Variants in TAB1 observed in about 807,000 individuals in gnomAD.
TAB1 encodes the protein TGF-beta activated kinase 1 (MAP3K7) binding protein 1, also known as TGF-beta-activated kinase 1 and MAP3K7-binding protein 1.
A neutral mutation model predicts 54.5 loss-of-function variants in TAB1; 30 were observed. The ratio of observed to expected loss-of-function variants is 0.55; its 90% CI spans 0.41 to 0.75. The LOEUF is 0.75. TAB1 is among the 30% of genes least tolerant of loss of function. The pLI is 0.00. For missense variants in TAB1, 609 were observed against 683.2 expected, an observed-to-expected ratio of 0.89 and a Z score of 1.21; for synonymous variants, 289 against 286.9, an observed-to-expected ratio of 1.01 and a Z score of -0.07.
chr22:39,415,699 C>T lies in TAB1; in HGVS notation c.324+46C>T, dbSNP rs34413438. ...AGTGACCCAGCCACATCATGTCCCC[C>T]ACCCCAAGGCTTGGGCCCTGCACCT... On this transcript the variant is annotated intron_variant, in intron 3 of 10. Coordinates refer to ENST00000216160, the MANE Select transcript of TAB1 (RefSeq NM_006116.3). This position sits in a 1 kb window ranked among gnomAD's most constrained non-coding sequence, Gnocchi z 4.9. 4.9e-5 allele frequency: 78 copies of T among 1,585,040 alleles called. No individual in the cohort carries two copies. Among genetic ancestry groups the T allele is most frequent in the Non-Finnish European group, 4.5e-5 (52 of 1,168,360 alleles).
At chr22:39,432,663 G>T, downstream of TAB1, 5 of 763,078 alleles carry the variant, frequency 6.6e-6, no homozygotes, top group Non-Finnish European at 8.0e-6. Flanking sequence ...AGAGAGACAT[G>T]GTGAGTAACT....
intron 10 of TAB1, chr22:39,429,475 C>A: frequency 1.6e-6 from 1 of 639,900 alleles, no homozygotes; most frequent in Non-Finnish European, 1.9e-6. Flanking sequence ...CTGAGTGTTC[C>A]ATTTTCTTTC....
intron 1 of TAB1, among the ~76,000 whole-genome samples, chr22:39,406,894 A>C (rs1206031448): frequency 1.3e-5 from 2 of 152,048 alleles, no homozygotes; most frequent in African/African-American, 2.4e-5. Context: ...TGGCCTCCCA[A>C]AGTGCTGGGA....
chr22:39,427,675 A>G (rs1461625228), intron 9 of TAB1, among the ~76,000 whole-genome samples: 2 of 152,220 alleles, frequency 1.3e-5, no homozygotes, highest in Admixed American at 1.3e-4. Flanking sequence ...TATTGCAACC[A>G]TATTTTTATT....
intron 1 of TAB1, among the ~76,000 whole-genome samples, chr22:39,413,363 C>G (rs6001583): frequency 3.7e-4 from 56 of 152,158 alleles, no homozygotes; most frequent in African/African-American, 1.3e-3. Context: ...ATTTCTTTCT[C>G]TTATCTGGTT....
At chr22:39,401,128 A>G (rs1365220740) in intron 1 of TAB1, among the ~76,000 whole-genome samples, 3 of 151,752 alleles carry the variant, frequency 2.0e-5, no homozygotes, top group African/African-American at 7.3e-5. Flanking sequence ...ATCTATCACC[A>G]TGTGCTGGGC....
intron 9 of TAB1, among the ~76,000 whole-genome samples, chr22:39,427,403 G>A (rs1927396862): frequency 6.6e-6 from 1 of 152,216 alleles, no homozygotes; most frequent in Admixed American, 6.5e-5. Flanking sequence ...GTCTGTCCCT[G>A]GGCTGCACTG....
In TAB1 at chr22:39,416,779, G is replaced by T. The variant is rs760940405; in HGVS notation, c.325-12G>T. On this transcript the variant is annotated splice_polypyrimidine_tract_variant and intron_variant, in intron 3 of 10. Transcript: ENST00000216160. ...TTTGAACCAGCCTTTGCCCTGTCCTGTGTCCCCCTAGGCCTTCGATGTGGT... is the reference window on the plus strand; with the variant it reads ...TTTGAACCAGCCTTTGCCCTGTCCTTTGTCCCCCTAGGCCTTCGATGTGGT... 21 of 1,613,906 alleles carry T rather than the reference G, an allele frequency of 1.3e-5. No homozygotes were observed. The highest frequency in any genetic ancestry group is 4.0e-5 in the African/African-American group (3 of 74,938).
In TAB1 at chr22:39,430,452, C is replaced by T; in HGVS notation, c.*230C>T. 1 of 1,416,314 alleles carries T rather than the reference C, an allele frequency of 7.1e-7. No individual in the cohort carries two copies. The highest frequency in any genetic ancestry group is 1.5e-5 in the South Asian group (1 of 67,374). 87.7% of individuals were successfully genotyped at this position (1,416,314 alleles called of 1,614,324 possible). A position where few individuals can be genotyped will look rare whatever the true frequency, so the allele number is the denominator to read the frequency against. The stretch of plus-strand genomic sequence containing the variant: ...TGAAGGCCACTTCCTCCCAGATGGC[C>T]TCAGCCAGGACCATCGCCCTTTCTC... On this transcript the variant is annotated 3_prime_UTR_variant, in exon 11 of 11. Coordinates refer to ENST00000216160, the MANE Select transcript of TAB1 (RefSeq NM_006116.3).
chr22:39,413,824 A>G (rs1441454874), intron 1 of TAB1, among the ~76,000 whole-genome samples: 1 of 152,174 alleles, frequency 6.6e-6, no homozygotes, highest in African/African-American at 2.4e-5. Flanking sequence ...CGTTGTGAAC[A>G]AAGCGCAGTT....
intron 8 of TAB1, among the ~76,000 whole-genome samples, chr22:39,425,039 A>G (rs776254651): frequency 2.0e-5 from 3 of 151,976 alleles, no homozygotes; most frequent in Non-Finnish European, 4.4e-5. Flanking sequence ...TACCCCTACA[A>G]CCATTCTGTT....
At chr22:39,407,694 C>T (rs1037768813) in intron 1 of TAB1, among the ~76,000 whole-genome samples, 1 of 152,170 alleles carries the variant, frequency 6.6e-6, no homozygotes, top group Non-Finnish European at 1.5e-5. Flanking sequence ...GCTGTGTTAG[C>T]CAGGATGGTC....
Position 39,430,464 on chromosome 22 carries a change from C to T in TAB1, c.*242C>T. The T allele has an allele frequency of 1.4e-6, 2 of 1,401,530 alleles. No individual in the cohort carries two copies. Among genetic ancestry groups the T allele is most frequent in the Non-Finnish European group, 1.9e-6 (2 of 1,077,126 alleles). 86.8% of individuals were successfully genotyped at this position (1,401,530 alleles called of 1,614,324 possible). On this transcript the variant is annotated 3_prime_UTR_variant, in exon 11 of 11. Coordinates refer to ENST00000216160, the MANE Select transcript of TAB1 (RefSeq NM_006116.3). ...CCTCCCAGATGGCCTCAGCCAGGAC[C>T]ATCGCCCTTTCTCAGAGCAGAGGGC...
chr22:39,423,928 T>C (rs903519857), intron 8 of TAB1, among the ~76,000 whole-genome samples: 1 of 152,000 alleles, frequency 6.6e-6, no homozygotes, highest in African/African-American at 2.4e-5. Context: ...TTTTATAGTG[T>C]ACGTTGTAAC....
downstream of TAB1, among the ~76,000 whole-genome samples, chr22:39,436,168 C>T (rs1481045068): frequency 6.6e-6 from 1 of 152,124 alleles, no homozygotes. Context: ...TGGTGCATGC[C>T]TGTAGTCCCA....
chr22:39,407,176 CTT>C (rs1424352846), intron 1 of TAB1, among the ~76,000 whole-genome samples: 1 of 152,144 alleles, frequency 6.6e-6, no homozygotes, highest in African/African-American at 2.4e-5. Context: ...AGGAAAAGGA[CTT>C]TGTTATTTTA....
At position 39,415,170 on chromosome 22, in the gene TAB1, G is replaced by A. The variant is rs764156030; in HGVS notation, c.170+28G>A. 3.6e-5 allele frequency: 56 copies of A among 1,546,198 alleles called. No homozygotes were observed. In the East Asian group the frequency reaches 1.1e-3, roughly 31 times the overall value. On this transcript the variant is annotated intron_variant, in intron 2 of 10. Coordinates refer to ENST00000216160, the MANE Select transcript of TAB1 (RefSeq NM_006116.3). The surrounding 1 kb of genome is among the most constrained non-coding windows in gnomAD (Gnocchi z 4.9). ...GTGTGTGCCAGCATTTCTGTGTTGGGCCCGGGGAGTTGGTTGGTTTGCAAG... is the reference window on the plus strand; with the variant it reads ...GTGTGTGCCAGCATTTCTGTGTTGGACCCGGGGAGTTGGTTGGTTTGCAAG...
chr22:39,399,872 G>T (rs1331692903), intron 1 of TAB1, 37 bp downstream of exon 1: 1 of 1,576,612 alleles, frequency 6.3e-7, no homozygotes, highest in East Asian at 2.3e-5. Flanking sequence ...TTGGGGTTGG[G>T]AGCCTGGGCG....
chr22:39,420,669 C>T (rs1230320327), intron 7 of TAB1, among the ~76,000 whole-genome samples: 3 of 152,260 alleles, frequency 2.0e-5, no homozygotes, highest in Admixed American at 1.3e-4. Context: ...GAAAGGAAGT[C>T]TTCCTACACC....
Sources: gnomAD v4.1 joint callset for allele counts (sites outside exome capture counted in the v4.1 genomes callset) on GRCh38, gnomAD v4.1.1 for gene constraint, Gnocchi (gnomAD v3.1) non-coding constraint, MANE v1.5 for transcripts, NCBI Gene and HGNC (gene_info 2026-07-23, HGNC 2026-07-21) for gene names.